The following ANXA4 variants were observed in gnomAD, a reference collection of about 807,000 sequenced individuals.
ANXA4 encodes the protein 35-beta calcimedin.
A neutral mutation model predicts 49.8 loss-of-function variants in ANXA4; 39 were observed. That is an observed-to-expected ratio of 0.78 (90% CI 0.61 to 1.02). ANXA4 has a LOEUF of 1.02. Among genes scored for constraint, ANXA4 ranks in the 50% least tolerant of loss-of-function variants. ANXA4 has a pLI of 0.00. For synonymous variants in ANXA4, 134 were observed against 152.5 expected, an observed-to-expected ratio of 0.88 and a Z score of 0.89; for missense variants, 360 against 410.1, an observed-to-expected ratio of 0.88 and a Z score of 1.05.
intron 3 of ANXA4, among the ~76,000 whole-genome samples, chr2:69,731,905 G>A (rs190538889): frequency 2.6e-5 from 4 of 151,948 alleles, no homozygotes; most frequent in African/African-American, 9.7e-5. Context: ...AAGAAAGGGT[G>A]TCGCTCCTTT....
At chr2:69,768,927 A>C (rs1469187652) in intron 1 of ANXA4, among the ~76,000 whole-genome samples, 1 of 152,160 alleles carries the variant, frequency 6.6e-6, no homozygotes, top group African/African-American at 2.4e-5. Context: ...AAGTTAAAAA[A>C]CAAAAAACAA....
chr2:69,675,181 C>G (rs971607844), intron 2 of ANXA4, among the ~76,000 whole-genome samples: 1 of 152,168 alleles, frequency 6.6e-6, no homozygotes, highest in Admixed American at 6.5e-5. Context: ...CTTGGCCTCC[C>G]AAAGTGCTGG....
intron 1 of ANXA4, among the ~76,000 whole-genome samples, chr2:69,775,961 TTTTATTTA>T (rs61468872): frequency 6.7e-5 from 7 of 104,572 alleles, no homozygotes; most frequent in East Asian, 7.9e-4. Context: ...TTTATTTTTA[TTTTATTTA>T]TTTATTTATT....
Position 69,743,798 on chromosome 2 carries a change from T to G in ANXA4, c.-47+1623T>G, listed in dbSNP as rs1270994357. ...GGCTTCTGTGAATTTCCCTCCTAGA[T>G]GTTCTTGCATTTGGTTAGGGATAAT... On this transcript the variant is annotated intron_variant, in intron 1 of 12. Transcript: ENST00000394295. Among the ~76,000 whole-genome samples the G allele has an allele frequency of 2.0e-5, 3 of 152,162 alleles. No homozygotes were observed. In the East Asian group the frequency reaches 5.8e-4, roughly 29 times the overall value.
Position 69,752,257 on chromosome 2 carries a change from G to A in ANXA4, c.-47+10082G>A, listed in dbSNP as rs559209120. ...CCATTCTGTAGGTGTATGGGAGACAGGGCAGATGAGTATTGAGGGACAGGT... is the reference window on the plus strand; with the variant it reads ...CCATTCTGTAGGTGTATGGGAGACAAGGCAGATGAGTATTGAGGGACAGGT... On this transcript the variant is annotated intron_variant, in intron 1 of 12. Coordinates refer to ENST00000394295, the MANE Select transcript of ANXA4 (RefSeq NM_001153.5). Among the ~76,000 whole-genome samples the A allele has an allele frequency of 2.4e-3, 373 of 152,308 alleles. 2 individuals are homozygous for A. The highest frequency in any genetic ancestry group is 0.017 in the Middle Eastern group (5 of 294).
At chr2:69,738,285 C>T (rs943365592), upstream of ANXA4, among the ~76,000 whole-genome samples, 4 of 152,132 alleles carry the variant, frequency 2.6e-5, no homozygotes, top group African/African-American at 7.2e-5. Context: ...GATTACATCT[C>T]TTCAGGTCTT....
chr2:69,728,775 G>C (rs1670026140), intron 3 of ANXA4, among the ~76,000 whole-genome samples: 1 of 152,136 alleles, frequency 6.6e-6, no homozygotes, highest in Non-Finnish European at 1.5e-5. Context: ...ATATTGTTGA[G>C]TCTTGATAGT....
chr2:69,723,851 G>A lies in ANXA4; in HGVS notation n.864+2980G>A, dbSNP rs567633725. ...AGGCATGCACCACCCACTGCACCCAGCCTGTGATGCTATTTTCCTAAAGAC... is the reference window on the plus strand; with the variant it reads ...AGGCATGCACCACCCACTGCACCCAACCTGTGATGCTATTTTCCTAAAGAC... On this transcript the variant is annotated intron_variant and non_coding_transcript_variant, in intron 3 of 3. Transcript: ENST00000418066. Among the ~76,000 whole-genome samples, 15 of 151,958 alleles carry A rather than the reference G, an allele frequency of 9.9e-5. No homozygotes were observed. In the South Asian group the frequency reaches 3.2e-3, roughly 32 times the overall value.
In ANXA4 at chr2:69,735,786, C is replaced by G. The variant is rs59227427; in HGVS notation, n.864+14915C>G. Among the ~76,000 whole-genome samples the G allele has an allele frequency of 5.0e-3, 762 of 152,236 alleles. 9 individuals are homozygous for G. Among genetic ancestry groups the G allele is most frequent in the African/African-American group, 0.017 (701 of 41,530 alleles). The stretch of plus-strand genomic sequence containing the variant: ...CAATCACAATCATTTATTATTATCT[C>G]TCATGATTCTGGTGATTGACTGGGC... On this transcript the variant is annotated intron_variant and non_coding_transcript_variant, in intron 3 of 3. Transcript: ENST00000418066.
chr2:69,757,271 T>C (rs1356046735), intron 1 of ANXA4, among the ~76,000 whole-genome samples: 1 of 49,834 alleles, frequency 2.0e-5, no homozygotes, highest in Non-Finnish European at 3.7e-5. Flanking sequence ...TATATATTTT[T>C]TTTTTTTTTT....
intron 1 of ANXA4, among the ~76,000 whole-genome samples, chr2:69,749,735 G>C (rs1426374682): frequency 1.3e-5 from 2 of 151,532 alleles, no homozygotes; most frequent in African/African-American, 4.9e-5. Context: ...GACCAGCCTA[G>C]CCAACATGGT....
chr2:69,810,953 T>G (rs889479294), intron 7 of ANXA4: 3 of 428,700 alleles, frequency 7.0e-6, no homozygotes, highest in Non-Finnish European at 1.3e-5. Context: ...CAGAGGCAGT[T>G]CCTGGGCCTT....
At chr2:69,749,849 C>T (rs889144420) in intron 1 of ANXA4, among the ~76,000 whole-genome samples, 4 of 151,292 alleles carry the variant, frequency 2.6e-5, no homozygotes, top group Non-Finnish European at 5.9e-5. Context: ...TGCTTGAACA[C>T]AGGACGGAGG....
intron 2 of ANXA4, among the ~76,000 whole-genome samples, chr2:69,656,331 ATG>A (rs1441587405): frequency 0.014 from 1,428 of 100,596 alleles, 192 homozygotes; most frequent in East Asian, 0.13. Flanking sequence ...ATGTATATAT[ATG>A]TGTATATATA....
chr2:69,762,941 C>T (rs1207312530), intron 1 of ANXA4, among the ~76,000 whole-genome samples: 1 of 152,210 alleles, frequency 6.6e-6, no homozygotes, highest in Non-Finnish European at 1.5e-5. Context: ...GTCCGTTTCA[C>T]TTCCTCTCAG....
intron 1 of ANXA4, among the ~76,000 whole-genome samples, chr2:69,742,794 G>A (rs1470369949): frequency 1.3e-5 from 2 of 152,198 alleles, no homozygotes; most frequent in African/African-American, 4.8e-5. Context: ...ACCATTTACC[G>A]GCAGAAGTGA....
intron 3 of ANXA4, among the ~76,000 whole-genome samples, chr2:69,793,131 A>T (rs1199758730): frequency 6.6e-6 from 1 of 152,070 alleles, no homozygotes; most frequent in Admixed American, 6.6e-5. Flanking sequence ...GCGTGCCTGT[A>T]ATCCCAGCTA....
chr2:69,776,425 C>T (rs1671964994), intron 1 of ANXA4, among the ~76,000 whole-genome samples: 1 of 152,182 alleles, frequency 6.6e-6, no homozygotes, highest in African/African-American at 2.4e-5. Flanking sequence ...TAGCAAATCC[C>T]ACTTCTGACA....
chr2:69,801,978 G>A (rs1673218268), intron 3 of ANXA4, among the ~76,000 whole-genome samples: 1 of 152,216 alleles, frequency 6.6e-6, no homozygotes, highest in Admixed American at 6.5e-5. Flanking sequence ...AAGGGGGTCA[G>A]GAGCCTGGAG....
Sources: allele counts gnomAD v4.1 joint callset (sites outside exome capture counted in the v4.1 genomes callset), GRCh38; gene constraint gnomAD v4.1.1; transcripts MANE v1.5; gene names NCBI Gene and HGNC (gene_info 2026-07-23, HGNC 2026-07-21).